TNK2: variants seen among roughly 807,000 people sequenced by gnomAD.
TNK2 encodes the protein tyrosine kinase non receptor 2, also known as activated CDC42 kinase 1.
In TNK2, 83 loss-of-function variants were observed where a neutral mutation model predicts 101.8. The ratio of observed to expected loss-of-function variants is 0.82; its 90% CI spans 0.68 to 0.98. The LOEUF is 0.98. Ranked by LOEUF, TNK2 falls within the 50% of genes least tolerant of loss-of-function variation. The probability of loss-of-function intolerance (pLI) is 0.00; values close to 1 mark genes in which losing one functional copy is unlikely to be tolerated. For missense variants in TNK2, 1,665 were observed against 1,483.2 expected (o/e 1.12, Z -2.01); for synonymous variants, 804 against 633.0 (o/e 1.27, Z -4.06).
intron 1 of TNK2, among the ~76,000 whole-genome samples, chr3:195,907,501 A>C (rs1482348769): frequency 6.6e-6 from 1 of 152,148 alleles, no homozygotes; most frequent in Admixed American, 6.5e-5. Context: ...GCAACCCTGC[A>C]CCCATCCCCA....
chr3:195,872,530 AC>A, intron 9 of TNK2, 60 bp from the exon 10 acceptor site: 2 of 1,502,866 alleles, frequency 1.3e-6, no homozygotes, highest in Non-Finnish European at 1.8e-6. Flanking sequence ...CGGCACTGGG[AC>A]CCTCCTCACA....
rs1027810099 is a variant in TNK2, at chr3:195,899,598, G to A, written c.-19+8887C>T. Among the ~76,000 whole-genome samples the A allele has an allele frequency of 2.0e-5, 3 of 152,350 alleles. No homozygotes were observed. The South Asian group carries it at 6.2e-4, about 32-fold the overall frequency. ...GCCCACCTCAGCCGCCCACAGGGCT[G>A]AGATTATAGGCGTGAGCCACTGCGC... On this transcript the variant is annotated intron_variant, in intron 1 of 15. Coordinates refer to ENST00000672887, the MANE Select transcript of TNK2 (RefSeq NM_001382273.1).
intron 6 of TNK2, chr3:195,879,419 A>C (rs1751188006): frequency 2.3e-6 from 1 of 439,364 alleles, no homozygotes; most frequent in Non-Finnish European, 4.1e-6. Context: ...GAGGAAAGGA[A>C]GTTTCCCAGC....
Position 195,883,181 on chromosome 3 carries a change from C to T in TNK2, c.585G>A (p.Val195=). The T allele has an allele frequency of 1.2e-6, 2 of 1,608,084 alleles. No homozygotes were observed. Among genetic ancestry groups the T allele is most frequent in the East Asian group, 4.5e-5 (2 of 44,878 alleles). ...DHRNLIRLYG[V]VLTPPMKMVT... is the part of the protein sequence containing the mutation. ...CCATCTTCATGGGCGGCGTGAGCAC[C>T]ACCCCGTAGAGGCGGATGAGGTTTC... is the stretch of plus-strand genomic sequence containing the variant. Residue 195 remains valine (V), a synonymous_variant, in exon 5 of 16, where the codon GTG becomes GTA. Coordinates refer to ENST00000672887, the MANE Select transcript of TNK2 (RefSeq NM_001382273.1).
chr3:195,878,138 G>T lies in TNK2; in HGVS notation c.1256+115C>A. 2 of 1,124,144 alleles carry T rather than the reference G, an allele frequency of 1.8e-6. No individual in the cohort carries two copies. The highest frequency in any genetic ancestry group is 2.7e-6 in the Non-Finnish European group (2 of 751,366). 69.6% of individuals were successfully genotyped at this position (1,124,144 alleles called of 1,614,324 possible). A position where few individuals can be genotyped will look rare whatever the true frequency, so the allele number is the denominator to read the frequency against. On this transcript the variant is annotated intron_variant, in intron 9 of 15. Coordinates refer to ENST00000672887, the MANE Select transcript of TNK2 (RefSeq NM_001382273.1). This position sits in a 1 kb window ranked among gnomAD's most constrained non-coding sequence, Gnocchi z 4.7. ...CACACTGCAGGGTTCAGGCCCAACC[G>T]CCAGCCTGTATGTGGCCAAGGGAAT...
chr3:195,881,955 A>G (rs1753334975), intron 6 of TNK2, 96 bp downstream of exon 6: 2 of 1,458,542 alleles, frequency 1.4e-6, no homozygotes, highest in Non-Finnish European at 9.2e-7. Context: ...GGCAGGCCCA[A>G]GCAAAACCAG....
At position 195,882,845 on chromosome 3, in the gene TNK2, G is replaced by A. The variant is rs1364178026; in HGVS notation, c.609+312C>T. On this transcript the variant is annotated intron_variant, in intron 5 of 15. Coordinates refer to ENST00000672887, the MANE Select transcript of TNK2 (RefSeq NM_001382273.1). The surrounding 1 kb of genome is among the most constrained non-coding windows in gnomAD (Gnocchi z 4.2). ...TGCACTCCAGCCTGGGCGACAAAGT[G>A]AGACTCCATCTCAAAATAAATAGAT... Among the ~76,000 whole-genome samples the A allele has an allele frequency of 6.6e-6, 1 of 152,180 alleles. No individual in the cohort carries two copies. Among genetic ancestry groups the A allele is most frequent in the Non-Finnish European group, 1.5e-5 (1 of 68,044 alleles).
At chr3:195,901,344 A>C (rs1761187397) in intron 1 of TNK2, among the ~76,000 whole-genome samples, 1 of 152,132 alleles carries the variant, frequency 6.6e-6, no homozygotes. Flanking sequence ...GTAGGGGGAG[A>C]GCCCTGCCAA....
intron 1 of TNK2, among the ~76,000 whole-genome samples, chr3:195,907,466 C>T (rs1181663673): frequency 7.2e-5 from 11 of 152,218 alleles, no homozygotes; most frequent in Non-Finnish European, 1.5e-4. Context: ...GAGGAGGGTC[C>T]TCTAGCTAAG....
At chr3:195,892,069 C>A in intron 1 of TNK2, 1 of 931,366 alleles carries the variant, frequency 1.1e-6, no homozygotes, top group Non-Finnish European at 1.3e-6. Flanking sequence ...CGCCTCCCCT[C>A]TAAGTCCCCC....
chr3:195,899,210 A>G (rs1026116230), intron 1 of TNK2, among the ~76,000 whole-genome samples: 4 of 152,256 alleles, frequency 2.6e-5, no homozygotes, highest in East Asian at 1.9e-4. Flanking sequence ...GTCAAATGCC[A>G]TCTCTTCTGT....
At chr3:195,901,409 G>C (rs905426974) in intron 1 of TNK2, among the ~76,000 whole-genome samples, 1 of 152,176 alleles carries the variant, frequency 6.6e-6, no homozygotes. Flanking sequence ...GTGTACAGGG[G>C]ACAGAGAGAA....
chr3:195,869,955 C>A, intron 11 of TNK2, 159 bp downstream of exon 11: 1 of 620,212 alleles, frequency 1.6e-6, no homozygotes, highest in Non-Finnish European at 2.8e-6. Flanking sequence ...GTCTTCCACC[C>A]CACGCCCAGC....
chr3:195,895,214 G>T (rs372108713), intron 1 of TNK2: 64 of 1,484,010 alleles, frequency 4.3e-5, no homozygotes, highest in Admixed American at 5.1e-5. Context: ...TGGGGCCCAG[G>T]TATCTGGCTA....
chr3:195,876,775 C>A, intron 9 of TNK2: 1 of 381,266 alleles, frequency 2.6e-6, no homozygotes, highest in Non-Finnish European at 5.2e-6. Context: ...GGCACACCCA[C>A]AACCCTCCCA....
At position 195,888,626 on chromosome 3, in the gene TNK2, T is replaced by A. The variant is rs772386387; in HGVS notation, c.-18-20A>T. On this transcript the variant is annotated intron_variant, in intron 1 of 15. Transcript: ENST00000672887. The surrounding 1 kb of genome is among the most constrained non-coding windows in gnomAD (Gnocchi z 5.3). The stretch of plus-strand genomic sequence containing the variant: ...CAGCCTCTGTGGGGGGAGGAGTGGC[T>A]CAGGGACAAGGGTTGTGGGGGGACA... The A allele has an allele frequency of 6.3e-7, 1 of 1,597,794 alleles. No individual in the cohort carries two copies. The highest frequency in any genetic ancestry group is 8.5e-7 in the Non-Finnish European group (1 of 1,172,794).
chr3:195,870,369 G>C (rs1336559055), intron 10 of TNK2, 164 bp from the exon 11 acceptor site: 4 of 1,481,528 alleles, frequency 2.7e-6, no homozygotes, highest in Non-Finnish European at 2.7e-6. Context: ...CGTCTCAGCT[G>C]GGGGGTGTCC....
In TNK2 at chr3:195,888,666, G is replaced by GAGTGACCT; in HGVS notation, c.-18-68_-18-61dup. 6.7e-7 allele frequency: 1 copy of GAGTGACCT among 1,482,792 alleles called. No individual in the cohort carries two copies. The highest frequency in any genetic ancestry group is 9.1e-7 in the Non-Finnish European group (1 of 1,100,620). 91.9% of individuals were successfully genotyped at this position (1,482,792 alleles called of 1,614,324 possible). On this transcript the variant is annotated intron_variant, in intron 1 of 15. Coordinates refer to ENST00000672887, the MANE Select transcript of TNK2 (RefSeq NM_001382273.1). This position sits in a 1 kb window ranked among gnomAD's most constrained non-coding sequence, Gnocchi z 5.3. Reference sequence around the variant, plus strand: ...GTGGGGGGACAACAGGGGCCTGCCCGAGTGACCTGGGCTCACCTTCATCCC... The same window carrying GAGTGACCT: ...GTGGGGGGACAACAGGGGCCTGCCCGAGTGACCTAGTGACCTGGGCTCACCTTCATCCC...
In TNK2 at chr3:195,868,488, G is replaced by GGGA. The variant is rs1328848622; in HGVS notation, c.1807_1809dup (p.Ser603dup). Reference sequence around the variant, plus strand: ...CAGGCGTCCATGGCCAGCTGCGCCAGGGAGGGCGCGCAGGGCCGTAGGGCC... The same window carrying GGGA: ...CAGGCGTCCATGGCCAGCTGCGCCAGGGAGGAGGGCGCGCAGGGCCGTAGGGCC... On this transcript the variant is annotated inframe_insertion, in exon 13 of 16. Transcript: ENST00000672887. 22 of 1,549,242 alleles carry GGGA rather than the reference G, an allele frequency of 1.4e-5. No individual in the cohort carries two copies. The highest frequency in any genetic ancestry group is 1.9e-5 in the Non-Finnish European group (22 of 1,158,886).
Sources: gnomAD v4.1 joint callset for allele counts (sites outside exome capture counted in the v4.1 genomes callset) on GRCh38, gnomAD v4.1.1 for gene constraint, Gnocchi (gnomAD v3.1) non-coding constraint, MANE v1.5 for transcripts, NCBI Gene and HGNC (gene_info 2026-07-23, HGNC 2026-07-21) for gene names.